Variants in VPS37A observed in about 807,000 individuals in gnomAD.
VPS37A encodes vacuolar protein sorting-associated protein 37A.
Under a neutral mutation model 49.8 loss-of-function variants are expected in VPS37A, and 30 were observed. That is an observed-to-expected ratio of 0.60 (90% CI 0.45 to 0.82). The LOEUF (loss-of-function observed/expected upper bound fraction) is 0.82, where lower values mean the gene tolerates loss of function less well. Ranked by LOEUF, VPS37A falls within the 40% of genes least tolerant of loss-of-function variation. The probability of loss-of-function intolerance (pLI) is 0.00; values close to 1 mark genes in which losing one functional copy is unlikely to be tolerated. For synonymous variants in VPS37A, 195 were observed against 160.6 expected (o/e 1.21, Z -1.62); for missense variants, 593 against 464.4 (o/e 1.28, Z -2.55).
At chr8:17,313,050 G>T in the VPS37A span, among the ~76,000 whole-genome samples, 1 of 152,136 alleles carries the variant, frequency 6.6e-6, no homozygotes, top group Non-Finnish European at 1.5e-5. Context: ...TAAGCCTAAT[G>T]GAAGAGAATA....
intron 9 of VPS37A, among the ~76,000 whole-genome samples, 153 bp downstream of exon 9, chr8:17,280,596 C>A (rs1814965731): frequency 6.6e-6 from 1 of 151,814 alleles, no homozygotes; most frequent in African/African-American, 2.4e-5. Flanking sequence ...GAACAGCTCT[C>A]AGTGATGAGG....
the VPS37A span, chr8:17,311,557 G>C: frequency 6.2e-7 from 1 of 1,614,042 alleles, no homozygotes; most frequent in South Asian, 1.1e-5. Flanking sequence ...CAGCAGGCTT[G>C]CCACCGAGCA....
intron 10 of VPS37A, among the ~76,000 whole-genome samples, chr8:17,285,058 AT>A (rs34202191): frequency 3.3e-5 from 5 of 151,106 alleles, no homozygotes; most frequent in African/African-American, 4.9e-5. Context: ...AAAAAAAAAA[AT>A]TTTTTTTTTG....
chr8:17,311,532 G>T, the VPS37A span: 1 of 1,614,120 alleles, frequency 6.2e-7, no homozygotes, highest in Non-Finnish European at 8.5e-7. Flanking sequence ...TCAGAGTCCG[G>T]TAGTGAGGGT....
intron 4 of VPS37A, among the ~76,000 whole-genome samples, chr8:17,269,212 A>C (rs1473049144): frequency 6.6e-6 from 1 of 152,100 alleles, no homozygotes; most frequent in Admixed American, 6.6e-5. Flanking sequence ...TTGGCCTCCT[A>C]TTGTAATAGA....
chr8:17,308,302 G>C, the VPS37A span, among the ~76,000 whole-genome samples: 3 of 152,012 alleles, frequency 2.0e-5, no homozygotes, highest in African/African-American at 7.2e-5. Context: ...ACTGCCTAGC[G>C]TGTAATATTA....
chr8:17,286,719 A>G (rs191100203), intron 11 of VPS37A: 2 of 234,492 alleles, frequency 8.5e-6, no homozygotes, highest in Admixed American at 1.0e-4. Context: ...CCTGGTGTGT[A>G]GAGTATACCT....
At position 17,247,207 on chromosome 8, in the gene VPS37A, G is replaced by A. The variant is rs759529215; in HGVS notation, c.-38G>A. ...CCGAGCCACTGGGAGAAGCAGGCCA[G>A]AGCCTTCCAGGGCCTCCGGCCCGTG... On this transcript the variant is annotated 5_prime_UTR_variant, in exon 1 of 12. Coordinates refer to ENST00000324849, the MANE Select transcript of VPS37A (RefSeq NM_152415.3). 3 of 1,559,406 alleles carry A rather than the reference G, an allele frequency of 1.9e-6. No homozygotes were observed. The highest frequency in any genetic ancestry group is 1.7e-6 in the Non-Finnish European group (2 of 1,151,752).
intron 1 of VPS37A, 63 bp downstream of exon 1, chr8:17,247,432 C>T: frequency 2.0e-6 from 3 of 1,517,142 alleles, no homozygotes; most frequent in South Asian, 1.2e-5. Context: ...CTTGTCCTAA[C>T]CACCCTCACA....
At chr8:17,279,929 A>G (rs773095307) in intron 6 of VPS37A, 99 bp from the exon 7 acceptor site, 7 of 1,486,798 alleles carry the variant, frequency 4.7e-6, no homozygotes, top group Non-Finnish European at 6.5e-6. Context: ...ATTATTTAGA[A>G]CCCTATCAGT....
downstream of VPS37A, chr8:17,304,565 A>T (rs201728512): frequency 1.3e-6 from 2 of 1,584,936 alleles, no homozygotes; most frequent in East Asian, 4.5e-5. Context: ...TTTGGTGCTT[A>T]CACACAGTAG....
At chr8:17,262,945 C>T (rs776768300) in intron 1 of VPS37A, among the ~76,000 whole-genome samples, 18 of 151,462 alleles carry the variant, frequency 1.2e-4, no homozygotes, top group Non-Finnish European at 2.2e-4. Context: ...CCTGTAGTCC[C>T]AGCTACTCAG....
chr8:17,309,464 A>T, the VPS37A span: 2 of 678,550 alleles, frequency 2.9e-6, no homozygotes, highest in Non-Finnish European at 5.3e-6. Flanking sequence ...ATGAACAGGC[A>T]TTATCCACCC....
the VPS37A span, chr8:17,331,078 G>T: frequency 1.3e-6 from 2 of 1,513,646 alleles, no homozygotes; most frequent in Non-Finnish European, 1.8e-6. Flanking sequence ...TTAAAATCAA[G>T]ACTATCTTAT....
downstream of VPS37A, chr8:17,299,678 T>G (rs1816970411): frequency 1.4e-6 from 1 of 718,574 alleles, no homozygotes; most frequent in African/African-American, 1.8e-5. Context: ...ATAAATGAAA[T>G]GACTACGTCC....
chr8:17,303,010 C>T (rs908389031), downstream of VPS37A, among the ~76,000 whole-genome samples: 1 of 151,964 alleles, frequency 6.6e-6, no homozygotes, highest in Non-Finnish European at 1.5e-5. Flanking sequence ...CACGCCTGAC[C>T]AATAAATCCC....
At chr8:17,301,277 C>G (rs981274343), downstream of VPS37A, among the ~76,000 whole-genome samples, 1 of 152,058 alleles carries the variant, frequency 6.6e-6, no homozygotes. Context: ...GGCAAAAGTT[C>G]TTGAAGAGGG....
the VPS37A span, among the ~76,000 whole-genome samples, chr8:17,332,724 T>C: frequency 2.0e-5 from 3 of 152,346 alleles, no homozygotes; most frequent in South Asian, 6.2e-4. Context: ...TCAGAGACCC[T>C]CTGTGCATAG....
intron 9 of VPS37A, 112 bp downstream of exon 9, chr8:17,280,555 CT>C: frequency 2.1e-6 from 2 of 960,552 alleles, no homozygotes; most frequent in Non-Finnish European, 3.0e-6. Context: ...GGTATCTGAC[CT>C]TATAAGACAT....
Sources: allele counts gnomAD v4.1 joint callset (sites outside exome capture counted in the v4.1 genomes callset), GRCh38; gene constraint gnomAD v4.1.1; transcripts MANE v1.5; gene names NCBI Gene and HGNC (gene_info 2026-07-23, HGNC 2026-07-21).